Variants in ALK observed in about 807,000 individuals in gnomAD.
ALK encodes ALK tyrosine kinase receptor.
Under a neutral mutation model 163.1 loss-of-function variants are expected in ALK, and 74 were observed. The observed-to-expected ratio is 0.45, with a 90% CI of 0.38 to 0.55. ALK has a LOEUF of 0.55. Ranked by LOEUF, ALK falls within the 20% of genes least tolerant of loss-of-function variation. The probability of loss-of-function intolerance (pLI) is 0.00; values close to 1 mark genes in which losing one functional copy is unlikely to be tolerated. For synonymous variants in ALK, 960 were observed against 843.2 expected (o/e 1.14, Z -2.40); for missense variants, 2,063 against 2,105.3 (o/e 0.98, Z 0.39).
At chr2:29,625,538 G>T (rs1233831293) in intron 3 of ALK, among the ~76,000 whole-genome samples, 1 of 152,148 alleles carries the variant, frequency 6.6e-6, no homozygotes, top group Admixed American at 6.5e-5. Context: ...ATATGACAGA[G>T]AACCAAGCAG....
chr2:29,523,921 A>T (rs1036858680), intron 4 of ALK, among the ~76,000 whole-genome samples: 1 of 143,090 alleles, frequency 7.0e-6, no homozygotes, highest in African/African-American at 2.6e-5. Context: ...ATCGTGAGTA[A>T]AAGTTGTACC....
chr2:29,287,994 C>G (rs1310822008), intron 9 of ALK, among the ~76,000 whole-genome samples: 4 of 148,066 alleles, frequency 2.7e-5, no homozygotes, highest in Non-Finnish European at 6.0e-5. Context: ...TGGCACATAC[C>G]TAGGTACTCA....
chr2:29,544,605 ATATC>A (rs1489073704), intron 3 of ALK, among the ~76,000 whole-genome samples: 2 of 152,132 alleles, frequency 1.3e-5, no homozygotes, highest in East Asian at 1.9e-4. Flanking sequence ...ATCCTTATCC[ATATC>A]TATCTATATA....
At chr2:29,579,820 A>C (rs1212414167) in intron 3 of ALK, among the ~76,000 whole-genome samples, 2 of 152,338 alleles carry the variant, frequency 1.3e-5, no homozygotes, top group South Asian at 4.2e-4. Context: ...GCTCCCAAAG[A>C]GGGCGTAATT....
chr2:29,569,810 AG>A (rs1674304531), intron 3 of ALK, among the ~76,000 whole-genome samples: 1 of 152,186 alleles, frequency 6.6e-6, no homozygotes. Context: ...AAAGTTCTTC[AG>A]GGGTCCCTGG....
rs114012961 is a variant in ALK at position 29,556,707 on chromosome 2, G to A, written c.953-24591C>T. On this transcript the variant is annotated intron_variant, in intron 3 of 28. Transcript: ENST00000389048. ...ACCATCCAGGTTTCATTTAAATGTG[G>A]AAGTGACATTTAGCTTAGGGTTTTC... 5.0e-3 allele frequency among the ~76,000 whole-genome samples: 757 copies of A among 152,280 alleles called. 4 individuals carry two copies. The highest frequency in any genetic ancestry group is 7.9e-3 in the Non-Finnish European group (536 of 68,018).
At chr2:29,604,137 A>G (rs935400344) in intron 3 of ALK, among the ~76,000 whole-genome samples, 2 of 150,728 alleles carry the variant, frequency 1.3e-5, no homozygotes, top group African/African-American at 2.4e-5. Flanking sequence ...CTATTTTTGT[A>G]TAACTCAAGA....
chr2:29,805,042 G>C (rs190112137), intron 1 of ALK, among the ~76,000 whole-genome samples: 9 of 152,158 alleles, frequency 5.9e-5, no homozygotes, highest in Non-Finnish European at 1.0e-4. Context: ...CTGAGAAACT[G>C]GATCTGTCAG....
intron 3 of ALK, among the ~76,000 whole-genome samples, chr2:29,605,315 C>T (rs936194787): frequency 6.6e-6 from 1 of 152,216 alleles, no homozygotes; most frequent in Non-Finnish European, 1.5e-5. Context: ...TACTCACCTC[C>T]TGCTGCTGCG....
chr2:29,218,555 A>G (rs1428360870), intron 23 of ALK, among the ~76,000 whole-genome samples: 4 of 152,094 alleles, frequency 2.6e-5, no homozygotes. Context: ...TCTTTGAGAG[A>G]GGGAGAGAGA....
chr2:29,599,186 C>CAAAA (rs538039527), intron 3 of ALK, among the ~76,000 whole-genome samples: 1 of 100,290 alleles, frequency 1.0e-5, no homozygotes, highest in African/African-American at 3.4e-5. Context: ...TCTGACTCTG[C>CAAAA]AAAAAAAAAA....
chr2:29,285,437 G>C (rs905577161), intron 9 of ALK, among the ~76,000 whole-genome samples: 1 of 152,148 alleles, frequency 6.6e-6, no homozygotes, highest in Admixed American at 6.5e-5. Flanking sequence ...TTTTAGTAGA[G>C]ATGGGGTTTC....
chr2:29,240,852 C>T (rs186012630), intron 12 of ALK, among the ~76,000 whole-genome samples: 2 of 152,326 alleles, frequency 1.3e-5, no homozygotes, highest in Non-Finnish European at 2.9e-5. Context: ...CTTTCACATC[C>T]ATGTGTATTC....
intron 23 of ALK, among the ~76,000 whole-genome samples, chr2:29,218,587 G>GAGAT (rs1669702172): frequency 2.0e-5 from 3 of 152,170 alleles, no homozygotes; most frequent in South Asian, 2.1e-4. Flanking sequence ...GAGAGAGGGA[G>GAGAT]AGATAGAGAC....
At chr2:29,563,295 C>T (rs950665764) in intron 3 of ALK, among the ~76,000 whole-genome samples, 5 of 152,134 alleles carry the variant, frequency 3.3e-5, no homozygotes, top group Non-Finnish European at 5.9e-5. Flanking sequence ...AACGGGAACA[C>T]CTAGCGCTAT....
At chr2:29,721,690 C>T (rs564983532) in intron 1 of ALK, among the ~76,000 whole-genome samples, 1 of 152,338 alleles carries the variant, frequency 6.6e-6, no homozygotes, top group South Asian at 2.1e-4. Context: ...CACTTAGGTG[C>T]TAGTCTCGTC....
chr2:29,793,848 T>C (rs972071547), intron 1 of ALK, among the ~76,000 whole-genome samples: 3 of 152,326 alleles, frequency 2.0e-5, no homozygotes, highest in African/African-American at 4.8e-5. Context: ...GTTACATTTA[T>C]AGAATTCAGG....
intron 3 of ALK, among the ~76,000 whole-genome samples, chr2:29,568,559 G>T (rs1300205937): frequency 6.6e-6 from 1 of 152,134 alleles, no homozygotes; most frequent in East Asian, 1.9e-4. Flanking sequence ...TTCTTTAGGG[G>T]TCCCTGGAAC....
intron 1 of ALK, among the ~76,000 whole-genome samples, chr2:29,909,979 C>CA (rs563460919): frequency 0.05 from 4,059 of 81,494 alleles, 97 homozygotes; most frequent in African/African-American, 0.073. Flanking sequence ...TGCACCACAC[C>CA]AAAAAAAAAA....
Sources: allele counts gnomAD v4.1 joint callset (sites outside exome capture counted in the v4.1 genomes callset), GRCh38; gene constraint gnomAD v4.1.1; transcripts MANE v1.5; gene names NCBI Gene and HGNC (gene_info 2026-07-23, HGNC 2026-07-21).